The following TSPO2 variants were observed in gnomAD, a reference collection of about 807,000 sequenced individuals.
The protein encoded by TSPO2 is translocator protein 2, also known as benzodiazapine receptor (peripheral)-like 1.
TSPO2 carries 15 observed loss-of-function variants against 13.3 expected under a neutral mutation model. The observed-to-expected ratio is 1.13, with a 90% CI of 0.75 to 1.73. The LOEUF is 1.73. Ranked by LOEUF, TSPO2 falls within the 40% of genes most tolerant of loss-of-function variation. The probability of loss-of-function intolerance (pLI) is 0.00; values close to 1 mark genes in which losing one functional copy is unlikely to be tolerated. For synonymous variants in TSPO2, 81 were observed against 91.6 expected (o/e 0.88, Z 0.66); for missense variants, 202 against 198.3 (o/e 1.02, Z -0.11).
At chr6:41,041,776 G>A (rs1308814153), upstream of TSPO2, among the ~76,000 whole-genome samples, 3 of 152,220 alleles carry the variant, frequency 2.0e-5, no homozygotes, top group Non-Finnish European at 4.4e-5. Flanking sequence ...AGGAGTTCGA[G>A]ACCAGCCTGA....
rs1003107755 is a variant in TSPO2 at position 41,044,305 on chromosome 6, C to T, written c.*168C>T. 2.8e-5 allele frequency: 18 copies of T among 634,312 alleles called. No individual in the cohort carries two copies. The highest frequency in any genetic ancestry group is 4.1e-4 in the Middle Eastern group (1 of 2,456). 39.3% of individuals were successfully genotyped at this position (634,312 alleles called of 1,614,324 possible). A position where few individuals can be genotyped will look rare whatever the true frequency, so the allele number is the denominator to read the frequency against. On this transcript the variant is annotated 3_prime_UTR_variant, in exon 4 of 4. Transcript: ENST00000373161. ...GAAAGGGGGGGAAACTGATTTTACA[C>T]TTAAATAATAAAATCCTATTAGTAA...
rs750976131 is a variant in TSPO2, at chr6:41,044,121, C to G, written c.497C>G (p.Thr166Arg). 4 of 1,614,070 alleles carry G rather than the reference C, an allele frequency of 2.5e-6. No homozygotes were observed. ...SLCPVHQPQP[T>R]EKSD The stretch of plus-strand genomic sequence containing the variant: ...TGTCCAGTGCACCAGCCTCAGCCCA[C>G]GGAGAAGAGTGACTGAGGCCCTAGG... Residue 166 changes from threonine to arginine, a missense_variant, in exon 4 of 4, where the codon ACG (threonine) becomes AGG (arginine). Thr to Arg is a moderately conservative substitution (Grantham distance 71, BLOSUM62 -1). Coordinates refer to ENST00000373161, the MANE Select transcript of TSPO2 (RefSeq NM_001010873.3).
At chr6:41,042,888 T>A (rs1581982297) in intron 1 of TSPO2, 78 bp from the exon 2 acceptor site, 1 of 1,448,268 alleles carries the variant, frequency 6.9e-7, no homozygotes, top group East Asian at 2.3e-5. Context: ...GGCCAGGAAA[T>A]GAGTCAGGTT....
Position 41,044,149 on chromosome 6 carries a change from A to G in TSPO2, c.*12A>G, listed in dbSNP as rs1762641116. On this transcript the variant is annotated 3_prime_UTR_variant, in exon 4 of 4. Coordinates refer to ENST00000373161, the MANE Select transcript of TSPO2 (RefSeq NM_001010873.3). ...AGAAGAGTGACTGAGGCCCTAGGGC[A>G]TGGGAGAGGAGGGACGCCCAGGGTG... The G allele has an allele frequency of 6.2e-7, 1 of 1,613,960 alleles. No individual in the cohort carries two copies. Among genetic ancestry groups the G allele is most frequent in the South Asian group, 1.1e-5 (1 of 91,002 alleles).
chr6:41,043,544 C>G lies in TSPO2; in HGVS notation c.174-13C>G, dbSNP rs1354010779. 5.1e-6 allele frequency: 8 copies of G among 1,557,590 alleles called. No homozygotes were observed. The highest frequency in any genetic ancestry group is 6.9e-6 in the Non-Finnish European group (8 of 1,152,912). On this transcript the variant is annotated splice_polypyrimidine_tract_variant and intron_variant, in intron 2 of 3. Coordinates refer to ENST00000373161, the MANE Select transcript of TSPO2 (RefSeq NM_001010873.3). ...TCCTCCCACTGAATGTTTTTGCCACCATGTCTCCACAGCTATGCCTCCTAC... is the reference window on the plus strand; with the variant it reads ...TCCTCCCACTGAATGTTTTTGCCACGATGTCTCCACAGCTATGCCTCCTAC...
upstream of TSPO2, among the ~76,000 whole-genome samples, chr6:41,042,200 C>T (rs1397891144): frequency 6.6e-6 from 1 of 152,142 alleles, no homozygotes; most frequent in Non-Finnish European, 1.5e-5. Context: ...GCCACCTTGG[C>T]AGCTTTTTAA....
At position 41,043,094 on chromosome 6, in the gene TSPO2, C is replaced by T. The variant is rs1304229339; in HGVS notation, c.109C>T (p.Leu37=). The change falls in exon 2 of 4, where the codon CTG becomes TTG. Residue 37 remains leucine (L), a synonymous_variant. Transcript: ENST00000373161. ...TGGTTGGTGTGAGGGCCCGAGGATG[C>T]TGTCCTGGTGCCCATTCTACAAAGT... ...MSGWCEGPRM[L]SWCPFYKVLL... is the part of the protein sequence containing the mutation. The T allele has an allele frequency of 6.2e-7, 1 of 1,614,144 alleles. No homozygotes were observed. Among genetic ancestry groups the T allele is most frequent in the Non-Finnish European group, 8.5e-7 (1 of 1,180,026 alleles).
chr6:41,042,295 G>A (rs1762598578), upstream of TSPO2, among the ~76,000 whole-genome samples: 1 of 152,192 alleles, frequency 6.6e-6, no homozygotes, highest in Non-Finnish European at 1.5e-5. Context: ...CTCTGGGAAT[G>A]GAAAGATGGA....
chr6:41,043,734 G>A, intron 3 of TSPO2, 36 bp downstream of exon 3: 3 of 1,570,600 alleles, frequency 1.9e-6, no homozygotes, highest in Non-Finnish European at 2.6e-6. Flanking sequence ...GAAGTAATGT[G>A]GGAGAGGGTG....
rs766572680 is a variant in TSPO2 at position 41,042,769 on chromosome 6, G to T, written c.-30G>T. 2.9e-6 allele frequency: 2 copies of T among 695,896 alleles called. No homozygotes were observed. The highest frequency in any genetic ancestry group is 5.2e-6 in the Non-Finnish European group (2 of 381,518). 43.1% of individuals were successfully genotyped at this position (695,896 alleles called of 1,614,324 possible). On this transcript the variant is annotated 5_prime_UTR_variant, in exon 1 of 4. Transcript: ENST00000373161. ...GAAAAGAAGTCCATGGAAGCCAGGA[G>T]ATGGGCAAGGTGTGGCCTGGGGTTG... is the stretch of plus-strand genomic sequence containing the variant.
chr6:41,043,979 A>G lies in TSPO2; in HGVS notation c.355A>G (p.Ser119Gly), dbSNP rs1162485717. 1.2e-6 allele frequency: 2 copies of G among 1,613,932 alleles called. No individual in the cohort carries two copies. The highest frequency in any genetic ancestry group is 1.3e-5 in the African/African-American group (1 of 74,922). ...HLLLLYGLVV[S>G]TALIWHPINK... ...GCTGCTGCTGTATGGGCTGGTGGTG[A>G]GCACAGCACTGATCTGGCATCCCAT... Residue 119 changes from serine (S) to glycine (G), a missense_variant, in exon 4 of 4, where the codon AGC becomes GGC. Transcript: ENST00000373161.
intron 2 of TSPO2, 39 bp from the exon 3 acceptor site, chr6:41,043,518 C>T (rs1762623829): frequency 6.5e-7 from 1 of 1,541,054 alleles, no homozygotes; most frequent in Non-Finnish European, 8.7e-7. Flanking sequence ...GCCACGGAAC[C>T]TCCTCCCACT....
intron 3 of TSPO2, 112 bp downstream of exon 3, chr6:41,043,810 G>A: frequency 1.3e-6 from 2 of 1,532,466 alleles, no homozygotes; most frequent in African/African-American, 2.7e-5. Context: ...TAATGGGTGG[G>A]CAGACTTCTC....
rs1405119273 is a variant in TSPO2 at position 41,042,631 on chromosome 6, T to C, written c.-168T>C. 2.1e-6 allele frequency: 1 copy of C among 482,606 alleles called. No individual in the cohort carries two copies. The highest frequency in any genetic ancestry group is 1.9e-5 in the African/African-American group (1 of 51,350). The allele number at this position is 482,606 out of a possible 1,614,324, so 29.9% of individuals were successfully genotyped here. On this transcript the variant is annotated 5_prime_UTR_variant, in exon 1 of 4. Transcript: ENST00000373161. ...GCGCTGCCCACTGCAGAAAAGCTCA[T>C]CACCCGGGACCTGATCTCCAGGACT...
upstream of TSPO2, among the ~76,000 whole-genome samples, chr6:41,041,843 C>T (rs1196303392): frequency 3.3e-5 from 5 of 152,156 alleles, no homozygotes; most frequent in Non-Finnish European, 5.9e-5. Context: ...GGCATGGTGG[C>T]GCACGCCTGT....
upstream of TSPO2, among the ~76,000 whole-genome samples, chr6:41,041,894 G>C (rs146683354): frequency 4.5e-3 from 677 of 151,948 alleles, 3 homozygotes; most frequent in Admixed American, 6.7e-3. Context: ...AGAATCACTT[G>C]AACTAGGGAG....
At position 41,042,608 on chromosome 6, in the gene TSPO2, G is replaced by A. The variant is rs980770434; in HGVS notation, c.-191G>A. ...GGGCCAGCTACATACCTGGCTAAGCGCTGCCCACTGCAGAAAAGCTCATCA... is the reference window on the plus strand; with the variant it reads ...GGGCCAGCTACATACCTGGCTAAGCACTGCCCACTGCAGAAAAGCTCATCA... On this transcript the variant is annotated 5_prime_UTR_variant, in exon 1 of 4. Transcript: ENST00000373161. The A allele has an allele frequency of 1.1e-5, 5 of 448,702 alleles. No individual in the cohort carries two copies. The highest frequency in any genetic ancestry group is 1.3e-4 in the East Asian group (2 of 15,464). The allele number at this position is 448,702 out of a possible 1,614,324, so 27.8% of individuals were successfully genotyped here. A position where few individuals can be genotyped will look rare whatever the true frequency, so the allele number is the denominator to read the frequency against.
chr6:41,043,694 G>A lies in TSPO2; in HGVS notation c.311G>A (p.Gly104Asp). The A allele has an allele frequency of 6.3e-7, 1 of 1,599,898 alleles. No individual in the cohort carries two copies. Among genetic ancestry groups the A allele is most frequent in the Non-Finnish European group, 8.5e-7 (1 of 1,172,546 alleles). Residue 104 changes from glycine (G) to aspartate (D), a missense_variant, in exon 3 of 4, where the codon GGT (glycine) becomes GAT (aspartate). Gly to Asp is a moderately conservative substitution (Grantham distance 94, BLOSUM62 -1). Coordinates refer to ENST00000373161, the MANE Select transcript of TSPO2 (RefSeq NM_001010873.3). Reference sequence around the variant, plus strand: ...CTCTTTTTCACAGTCCACAACCCTGGTCTGGTAAGGCACACAGTGCTCAGT... The same window carrying A: ...CTCTTTTTCACAGTCCACAACCCTGATCTGGTAAGGCACACAGTGCTCAGT... ...LVLFFTVHNP[G>D]LALLHLLLLY...
chr6:41,043,781 G>T, intron 3 of TSPO2, 83 bp downstream of exon 3: 1 of 1,553,940 alleles, frequency 6.4e-7, no homozygotes, highest in Non-Finnish European at 8.7e-7. Flanking sequence ...ATTCAGCAGA[G>T]CAATTGAGTG....
Sources: gnomAD v4.1 joint callset for allele counts (sites outside exome capture counted in the v4.1 genomes callset) on GRCh38, gnomAD v4.1.1 for gene constraint, MANE v1.5 for transcripts, NCBI Gene and HGNC (gene_info 2026-07-23, HGNC 2026-07-21) for gene names.